Variants in ADGRL2 observed in about 807,000 individuals in gnomAD.
ADGRL2 encodes the protein adhesion G protein-coupled receptor L2.
In ADGRL2, 44 loss-of-function variants were observed where a neutral mutation model predicts 157.4. The ratio of observed to expected loss-of-function variants is 0.28; its 90% CI spans 0.22 to 0.36. The LOEUF (loss-of-function observed/expected upper bound fraction) is 0.36. ADGRL2 is among the 10% of genes least tolerant of loss of function. ADGRL2 has a pLI of 1.00. For synonymous variants in ADGRL2, 585 were observed against 624.7 expected, an observed-to-expected ratio of 0.94 and a Z score of 0.95; for missense variants, 1,510 against 1,768.9, an observed-to-expected ratio of 0.85 and a Z score of 2.63.
rs561064828 is a variant in ADGRL2, at chr1:81,736,057, G to T, written c.-142-25754G>T. Among the ~76,000 whole-genome samples the T allele has an allele frequency of 1.5e-3, 226 of 150,972 alleles. 1 individual carries two copies. In the South Asian group the frequency reaches 0.033, roughly 22 times the overall value. On this transcript the variant is annotated intron_variant, in intron 1 of 20. Transcript: ENST00000359929. ...ACTAGGGAGGCTGAGGCAGGAGAATGGCATGAATCCAAGAGGCAGAGGTTG... is the reference window on the plus strand; with the variant it reads ...ACTAGGGAGGCTGAGGCAGGAGAATTGCATGAATCCAAGAGGCAGAGGTTG...
chr1:81,885,441 A>G (rs1203377049), intron 2 of ADGRL2, among the ~76,000 whole-genome samples: 1 of 152,240 alleles, frequency 6.6e-6, no homozygotes, highest in Non-Finnish European at 1.5e-5. Context: ...AAGGCCTGCC[A>G]AATTGGCACC....
At position 81,948,001 on chromosome 1, in the gene ADGRL2, G is replaced by A. The variant is rs376742641; in HGVS notation, c.1211-2188G>A. Among the ~76,000 whole-genome samples, 126 of 152,130 alleles carry A rather than the reference G, an allele frequency of 8.3e-4. 2 individuals carry two copies. The highest frequency in any genetic ancestry group is 3.0e-3 in the African/African-American group (123 of 41,516). ...TGGGATGTCAGGGAGGGCGGATCACGAGGTCAGGAGATCGAGACCATCCTG... is the reference window on the plus strand; with the variant it reads ...TGGGATGTCAGGGAGGGCGGATCACAAGGTCAGGAGATCGAGACCATCCTG... On this transcript the variant is annotated intron_variant, in intron 6 of 23. Coordinates refer to ENST00000686636, the MANE Select transcript of ADGRL2 (RefSeq NM_001366006.2).
chr1:81,432,860 T>C (rs535430053), intron 1 of ADGRL2, among the ~76,000 whole-genome samples: 1 of 152,298 alleles, frequency 6.6e-6, no homozygotes, highest in African/African-American at 2.4e-5. Context: ...TAAACGTCTT[T>C]CCTTTGTACA....
intron 3 of ADGRL2, among the ~76,000 whole-genome samples, chr1:81,670,597 C>A (rs1245249625): frequency 6.6e-6 from 1 of 152,200 alleles, no homozygotes; most frequent in Non-Finnish European, 1.5e-5. Flanking sequence ...GACACGGCAT[C>A]TGGACCAGCA....
chr1:81,868,060 G>GTGTGT (rs1553173773), intron 2 of ADGRL2, among the ~76,000 whole-genome samples: 2 of 145,560 alleles, frequency 1.4e-5, no homozygotes, highest in African/African-American at 5.1e-5. Flanking sequence ...GTGTGTGTGT[G>GTGTGT]GTGTGTGTGT....
intron 2 of ADGRL2, among the ~76,000 whole-genome samples, chr1:81,505,616 G>A (rs2078956337): frequency 6.6e-6 from 1 of 150,714 alleles, no homozygotes; most frequent in Non-Finnish European, 1.5e-5. Context: ...TTCCCCTGAA[G>A]GTGCCATCAG....
chr1:81,669,507 A>G (rs2082822485), intron 3 of ADGRL2, among the ~76,000 whole-genome samples: 1 of 152,184 alleles, frequency 6.6e-6, no homozygotes, highest in East Asian at 1.9e-4. Context: ...TTTCAGTCAC[A>G]TAATTAGACA....
chr1:81,773,498 C>G (rs1484303327), intron 2 of ADGRL2, among the ~76,000 whole-genome samples: 2 of 152,082 alleles, frequency 1.3e-5, no homozygotes, highest in Non-Finnish European at 2.9e-5. Flanking sequence ...ATTCCAGAGG[C>G]AAGTCGAAGG....
chr1:81,804,006 C>T (rs2088730721), intron 1 of ADGRL2, among the ~76,000 whole-genome samples: 1 of 152,062 alleles, frequency 6.6e-6, no homozygotes, highest in Admixed American at 6.5e-5. Flanking sequence ...TTGGGCAAAC[C>T]TTAGAAAATA....
intron 2 of ADGRL2, among the ~76,000 whole-genome samples, chr1:81,866,019 T>A (rs1045526604): frequency 2.0e-5 from 3 of 152,208 alleles, no homozygotes; most frequent in African/African-American, 7.2e-5. Flanking sequence ...ACTGCCAAGA[T>A]CACATAACTG....
intron 10 of ADGRL2, among the ~76,000 whole-genome samples, chr1:81,953,431 ATC>A (rs1652485071): frequency 1.3e-5 from 2 of 152,104 alleles, no homozygotes; most frequent in Non-Finnish European, 2.9e-5. Context: ...CTGCTTTCTT[ATC>A]TTTGTGGTAT....
At chr1:81,979,755 TA>T (rs967509140) in intron 17 of ADGRL2, 113 bp from the exon 18 acceptor site, 37 of 616,286 alleles carry the variant, frequency 6.0e-5, no homozygotes, top group South Asian at 1.5e-4. Context: ...ATTGCATACA[TA>T]AAAAAAATTA....
At chr1:81,802,527 G>A (rs1389300221) in intron 1 of ADGRL2, among the ~76,000 whole-genome samples, 1 of 152,142 alleles carries the variant, frequency 6.6e-6, no homozygotes, top group Non-Finnish European at 1.5e-5. Context: ...GTTGCCGGGG[G>A]CGCTGGCAAG....
At chr1:81,734,479 G>A (rs373020934) in intron 1 of ADGRL2, among the ~76,000 whole-genome samples, 4 of 140,638 alleles carry the variant, frequency 2.8e-5, no homozygotes, top group African/African-American at 7.9e-5. Flanking sequence ...ATTTTCCATC[G>A]AAGCCTCCTG....
intron 2 of ADGRL2, among the ~76,000 whole-genome samples, chr1:81,894,512 T>C (rs768521185): frequency 1.3e-5 from 2 of 152,172 alleles, no homozygotes; most frequent in Non-Finnish European, 2.9e-5. Context: ...CTTTTGGAAA[T>C]CTATCTTTAT....
chr1:81,734,836 C>A (rs2084843816), intron 1 of ADGRL2, among the ~76,000 whole-genome samples: 1 of 147,462 alleles, frequency 6.8e-6, no homozygotes. Flanking sequence ...GAGTTCAAGA[C>A]CAGACTAACC....
chr1:81,517,857 G>A (rs1004849686), intron 2 of ADGRL2, among the ~76,000 whole-genome samples: 2 of 152,164 alleles, frequency 1.3e-5, no homozygotes, highest in African/African-American at 2.4e-5. Flanking sequence ...CATAGTTAGA[G>A]GGGCGTTACA....
chr1:81,526,073 C>T (rs1480063299), intron 2 of ADGRL2, among the ~76,000 whole-genome samples: 1 of 146,470 alleles, frequency 6.8e-6, no homozygotes, highest in African/African-American at 2.6e-5. Flanking sequence ...TTTAATTGGA[C>T]AAAGAATTTT....
chr1:81,452,165 G>A (rs1239413988), intron 2 of ADGRL2, among the ~76,000 whole-genome samples: 1 of 152,036 alleles, frequency 6.6e-6, no homozygotes, highest in Non-Finnish European at 1.5e-5. Context: ...TGACTTATCT[G>A]TCCAATTACA....
Sources: gnomAD v4.1 joint callset for allele counts (sites outside exome capture counted in the v4.1 genomes callset) on GRCh38, gnomAD v4.1.1 for gene constraint, MANE v1.5 for transcripts, NCBI Gene and HGNC (gene_info 2026-07-23, HGNC 2026-07-21) for gene names.